Variants in BLACAT1 observed in about 807,000 individuals in gnomAD.
BLACAT1 encodes BLACAT1 overlapping LEMD1 locus.
At chr1:205,440,097 A>G (rs911099723) in exon 2 of BLACAT1, among the ~76,000 whole-genome samples, 2 of 152,108 alleles carry the variant, frequency 1.3e-5, no homozygotes, top group African/African-American at 4.8e-5. Context: ...CAGGGGAGAC[A>G]GGAGAATCAA....
chr1:205,441,350 T>C lies in BLACAT1; in HGVS notation c.-36-288A>G, dbSNP rs1465604299. ...GAATGCCCAGCTGCTGCCTCCTTTT[T>C]TCCCCTCCCACCCGCTCTGCCCCAC... On this transcript the variant is annotated intron_variant, in intron 1 of 1. Transcript: ENST00000629624. This position sits in a 1 kb window ranked among gnomAD's most constrained non-coding sequence, Gnocchi z 4.3. 6.6e-6 allele frequency among the ~76,000 whole-genome samples: 1 copy of C among 152,120 alleles called. No individual in the cohort carries two copies. The highest frequency in any genetic ancestry group is 1.5e-5 in the Non-Finnish European group (1 of 68,004).
intron 1 of BLACAT1, among the ~76,000 whole-genome samples, chr1:205,445,995 C>G (rs1666382195): frequency 6.6e-6 from 1 of 152,112 alleles, no homozygotes; most frequent in South Asian, 2.1e-4. Flanking sequence ...CATGGGCCCA[C>G]TCTCGCAAGG....
At chr1:205,442,785 C>T (rs889874236) in intron 1 of BLACAT1, among the ~76,000 whole-genome samples, 6 of 152,158 alleles carry the variant, frequency 3.9e-5, no homozygotes, top group African/African-American at 1.4e-4. Context: ...GACACAACTA[C>T]TATATTTCTA....
intron 1 of BLACAT1, among the ~76,000 whole-genome samples, chr1:205,442,025 C>G (rs540719142): frequency 6.6e-6 from 1 of 152,206 alleles, no homozygotes; most frequent in Non-Finnish European, 1.5e-5. Flanking sequence ...CCTTAACCAC[C>G]TGCAGATTTT....
chr1:205,447,666 G>A (rs1373952474), intron 1 of BLACAT1, among the ~76,000 whole-genome samples: 2 of 151,988 alleles, frequency 1.3e-5, no homozygotes, highest in African/African-American at 4.8e-5. Flanking sequence ...GGGAGGGCTG[G>A]TGCCCTTCAC....
downstream of BLACAT1, chr1:205,437,222 AG>A (rs1332209967): frequency 2.0e-5 from 3 of 152,386 alleles, no homozygotes; most frequent in African/African-American, 7.2e-5. Context: ...AGCTGTGCAA[AG>A]GGAAGCCCAT....
At chr1:205,452,559 T>C (rs1262022234) in intron 1 of BLACAT1, among the ~76,000 whole-genome samples, 1 of 152,200 alleles carries the variant, frequency 6.6e-6, no homozygotes, top group East Asian at 1.9e-4. Context: ...AGCTGCTCAA[T>C]AAATGGTAAG....
intron 1 of BLACAT1, among the ~76,000 whole-genome samples, chr1:205,446,523 C>T (rs1666391943): frequency 1.3e-5 from 2 of 152,222 alleles, no homozygotes; most frequent in Middle Eastern, 3.2e-3. Flanking sequence ...AGGCTGAGCC[C>T]AGTGCTGGGG....
At chr1:205,454,724 G>A (rs1486151320) in intron 1 of BLACAT1, among the ~76,000 whole-genome samples, 2 of 152,092 alleles carry the variant, frequency 1.3e-5, no homozygotes, top group Non-Finnish European at 2.9e-5. Flanking sequence ...TTTCTTAGAG[G>A]ACAATCCCTT....
rs2102479139 is a variant in BLACAT1 at position 205,450,481 on chromosome 1, T to A, written c.-37+5436A>T. Among the ~76,000 whole-genome samples the A allele has an allele frequency of 7.2e-6, 1 of 139,046 alleles. No homozygotes were observed. The highest frequency in any genetic ancestry group is 2.3e-4 in the East Asian group (1 of 4,376). The allele number at this position is 139,046 out of a possible 152,430, so 91.2% of individuals were successfully genotyped here. On this transcript the variant is annotated intron_variant, in intron 1 of 1. Transcript: ENST00000629624. This position sits in a 1 kb window ranked among gnomAD's most constrained non-coding sequence, Gnocchi z 4.4. ...TCCCCTTCTCCGCAGCCCTGGTTCC[T>A]CTCCTCACCCATACCCCTATTCTGC...
intron 1 of BLACAT1, among the ~76,000 whole-genome samples, chr1:205,447,607 A>G (rs1470782349): frequency 6.6e-6 from 1 of 152,004 alleles, no homozygotes; most frequent in African/African-American, 2.4e-5. Flanking sequence ...GAGTGGCGAC[A>G]GGCATAGGGA....
At chr1:205,442,574 G>A (rs777696611) in intron 1 of BLACAT1, among the ~76,000 whole-genome samples, 9 of 152,124 alleles carry the variant, frequency 5.9e-5, no homozygotes, top group African/African-American at 1.9e-4. Context: ...TCAGCGTCCC[G>A]GTAATACAGC....
chr1:205,452,293 A>G lies in BLACAT1; in HGVS notation c.-37+3624T>C, dbSNP rs147280728. On this transcript the variant is annotated intron_variant, in intron 1 of 1. Transcript: ENST00000629624. ...CAGTCACCACCCTGGACCTCAGCCC[A>G]CATCAGGGCACTGGTTGGAGATGGC... Among the ~76,000 whole-genome samples, 580 of 152,332 alleles carry G rather than the reference A, an allele frequency of 3.8e-3. 1 individual carries two copies. Among genetic ancestry groups the G allele is most frequent in the South Asian group, 0.011 (51 of 4,832 alleles).
chr1:205,437,346 CAGAG>C (rs1666226954), downstream of BLACAT1: 1 of 152,584 alleles, frequency 6.6e-6, no homozygotes, highest in Non-Finnish European at 1.5e-5. Flanking sequence ...GTGTATGTGA[CAGAG>C]AGAAAGTGAG....
At chr1:205,454,765 G>A (rs10900493) in intron 1 of BLACAT1, among the ~76,000 whole-genome samples, 74,385 of 151,776 alleles carry the variant, frequency 0.49, 20,779 homozygotes, top group East Asian at 0.75. Context: ...TTCACCAGGG[G>A]TTCCCATCCC....
In BLACAT1 at chr1:205,448,746, G is replaced by A. The variant is rs548990380; in HGVS notation, c.-37+7171C>T. Among the ~76,000 whole-genome samples the A allele has an allele frequency of 3.3e-5, 5 of 152,228 alleles. No homozygotes were observed. The South Asian group carries it at 6.2e-4, about 19-fold the overall frequency. Reference sequence around the variant, plus strand: ...TACCCCTTCCCTAGAGAATAAGGCCGGATCTTTTCAAGGCTGCTGCTGCCA... The same window carrying A: ...TACCCCTTCCCTAGAGAATAAGGCCAGATCTTTTCAAGGCTGCTGCTGCCA... On this transcript the variant is annotated intron_variant, in intron 1 of 1. Coordinates refer to ENST00000629624, the Ensembl canonical transcript of BLACAT1. The surrounding 1 kb of genome is among the most constrained non-coding windows in gnomAD (Gnocchi z 4.7).
rs555582966 is a variant in BLACAT1 at position 205,448,083 on chromosome 1, G to A, written c.-36-7021C>T. On this transcript the variant is annotated intron_variant, in intron 1 of 1. Transcript: ENST00000629624. This position sits in a 1 kb window ranked among gnomAD's most constrained non-coding sequence, Gnocchi z 4.7. The stretch of plus-strand genomic sequence containing the variant: ...CCCTGAAGGTCTCCTTCCTTCCTCA[G>A]AGGGAATCTCCCTCTGGAATCACCG... Among the ~76,000 whole-genome samples the A allele has an allele frequency of 6.6e-6, 1 of 152,298 alleles. No homozygotes were observed. Among genetic ancestry groups the A allele is most frequent in the South Asian group, 2.1e-4 (1 of 4,830 alleles).
At chr1:205,436,234 G>A (rs566234743), downstream of BLACAT1, 5 of 152,278 alleles carry the variant, frequency 3.3e-5, no homozygotes, top group East Asian at 9.7e-4. Flanking sequence ...CCAGACCTGG[G>A]GGGTGGTTTC....
At chr1:205,443,459 A>C (rs1394141373) in intron 1 of BLACAT1, among the ~76,000 whole-genome samples, 1 of 151,930 alleles carries the variant, frequency 6.6e-6, no homozygotes, top group Non-Finnish European at 1.5e-5. Context: ...AAGGATGGGG[A>C]GTGAGGTCAC....
Sources: gnomAD v4.1 joint callset for allele counts (sites outside exome capture counted in the v4.1 genomes callset) on GRCh38, gnomAD v4.1.1 for gene constraint, Gnocchi (gnomAD v3.1) non-coding constraint, MANE v1.5 for transcripts, NCBI Gene and HGNC (gene_info 2026-07-23, HGNC 2026-07-21) for gene names.